ZNF106: variants seen among roughly 807,000 people sequenced by gnomAD.
The protein encoded by ZNF106 is SH3-domain binding protein 3.
A neutral mutation model predicts 195.1 loss-of-function variants in ZNF106; 67 were observed. The ratio of observed to expected loss-of-function variants is 0.34; its 90% CI spans 0.28 to 0.42. The LOEUF (loss-of-function observed/expected upper bound fraction) is 0.42, where lower values mean the gene tolerates loss of function less well. ZNF106 is among the 10% of genes least tolerant of loss of function. The probability of loss-of-function intolerance (pLI) is 1.00; values close to 1 mark genes in which losing one functional copy is unlikely to be tolerated. For synonymous variants in ZNF106, 784 were observed against 818.6 expected (o/e 0.96, Z 0.72); for missense variants, 2,118 against 2,304.5 (o/e 0.92, Z 1.66).
At chr15:42,447,101 T>A (rs969754278) in intron 6 of ZNF106, among the ~76,000 whole-genome samples, 1 of 152,258 alleles carries the variant, frequency 6.6e-6, no homozygotes, top group African/African-American at 2.4e-5. Context: ...CAGCTTGAAG[T>A]GTATTTTAAG....
intron 14 of ZNF106, among the ~76,000 whole-genome samples, chr15:42,434,518 C>T (rs1037373130): frequency 3.3e-5 from 5 of 152,124 alleles, no homozygotes. Context: ...GATCCTTGTC[C>T]TAGCACAGCT....
At chr15:42,435,746 A>G (rs568959252) in intron 13 of ZNF106, among the ~76,000 whole-genome samples, 151 of 152,334 alleles carry the variant, frequency 9.9e-4, no homozygotes, top group African/African-American at 3.5e-3. Context: ...GAGCCATACC[A>G]GAAAATACTT....
intron 2 of ZNF106, among the ~76,000 whole-genome samples, chr15:42,471,590 A>C (rs2056669682): frequency 6.6e-6 from 1 of 152,028 alleles, no homozygotes; most frequent in African/African-American, 2.4e-5. Context: ...AATCAGCCAT[A>C]CCCAGCAGCA....
chr15:42,462,223 A>ACTACACATTAC (rs2056407152), intron 3 of ZNF106, among the ~76,000 whole-genome samples: 3 of 152,308 alleles, frequency 2.0e-5, no homozygotes, highest in Admixed American at 1.3e-4. Context: ...ATGGGTGGAA[A>ACTACACATTAC]AGAACACATT....
chr15:42,476,552 C>T (rs542600023), intron 1 of ZNF106, among the ~76,000 whole-genome samples: 5 of 152,304 alleles, frequency 3.3e-5, no homozygotes, highest in Admixed American at 2.0e-4. Context: ...CCACCAGCCT[C>T]GGCCTCCCAA....
At chr15:42,432,184 C>T (rs988133482) in intron 14 of ZNF106, among the ~76,000 whole-genome samples, 37 of 152,020 alleles carry the variant, frequency 2.4e-4, no homozygotes, top group African/African-American at 8.0e-4. Context: ...AAAGGGACAG[C>T]GTCTCACTCT....
chr15:42,451,338 C>G lies in ZNF106; in HGVS notation c.934G>C (p.Gly312Arg). 1 of 1,613,794 alleles carries G rather than the reference C, an allele frequency of 6.2e-7. No individual in the cohort carries two copies. Among genetic ancestry groups the G allele is most frequent in the Non-Finnish European group, 8.5e-7 (1 of 1,179,764 alleles). Residue 312 changes from glycine (G) to arginine (R), a missense_variant, in exon 5 of 22, where the codon GGT becomes CGT. Gly to Arg is a moderately radical substitution (Grantham distance 125). Coordinates refer to ENST00000564754, the MANE Select transcript of ZNF106 (RefSeq NM_001366845.3). ...NWQRQENDKL[G>R]TVATYRGPSE... Reference sequence around the variant, plus strand: ...GGACCTCTATATGTGGCAACTGTACCAAGTTTGTCATTTTCTTGCCGCTGC... The same window carrying G: ...GGACCTCTATATGTGGCAACTGTACGAAGTTTGTCATTTTCTTGCCGCTGC...
intron 2 of ZNF106, 111 bp downstream of exon 2, chr15:42,472,125 A>T (rs1595490802): frequency 1.9e-6 from 2 of 1,061,318 alleles, no homozygotes; most frequent in Non-Finnish European, 2.6e-6. Flanking sequence ...GACATTGTCA[A>T]AGCTTTTCCT....
At chr15:42,429,654 T>A (rs746811218) in intron 14 of ZNF106, among the ~76,000 whole-genome samples, 18 of 151,826 alleles carry the variant, frequency 1.2e-4, no homozygotes, top group African/African-American at 4.4e-4. Flanking sequence ...CCTGAAAAAA[T>A]CACAAACATA....
At chr15:42,443,572 G>A (rs114897271) in intron 9 of ZNF106, among the ~76,000 whole-genome samples, 2,278 of 151,596 alleles carry the variant, frequency 0.015, 58 homozygotes, top group African/African-American at 0.053. Flanking sequence ...TTAAAAGTTA[G>A]AAATTTTAAT....
intron 4 of ZNF106, among the ~76,000 whole-genome samples, chr15:42,454,797 GT>G (rs2056171286): frequency 6.6e-6 from 1 of 152,008 alleles, no homozygotes; most frequent in Non-Finnish European, 1.5e-5. Context: ...TTCTCGGGAG[GT>G]TGAGGTGGGA....
intron 19 of ZNF106, 104 bp from the exon 20 acceptor site, chr15:42,421,236 A>C: frequency 9.7e-7 from 1 of 1,029,628 alleles, no homozygotes; most frequent in Non-Finnish European, 1.5e-6. Flanking sequence ...CAAGAAAACA[A>C]ACACCTAAAT....
At chr15:42,432,106 G>T (rs1022070355) in intron 14 of ZNF106, among the ~76,000 whole-genome samples, 7 of 152,078 alleles carry the variant, frequency 4.6e-5, no homozygotes, top group Non-Finnish European at 8.8e-5. Context: ...TATCTTTCGG[G>T]TGTGCTGACT....
intron 14 of ZNF106, among the ~76,000 whole-genome samples, chr15:42,429,793 A>G (rs1041427819): frequency 1.1e-4 from 17 of 152,066 alleles, no homozygotes; most frequent in African/African-American, 3.9e-4. Flanking sequence ...AACATTACAT[A>G]GCAATAAAAA....
Position 42,413,099 on chromosome 15 carries a change from T to C in ZNF106, c.*4205A>G, listed in dbSNP as rs548668330. The C allele has an allele frequency of 1.3e-5, 2 of 152,278 alleles. No homozygotes were observed. Among genetic ancestry groups the C allele is most frequent in the African/African-American group, 4.8e-5 (2 of 41,544 alleles). 9.4% of individuals were successfully genotyped at this position (152,278 alleles called of 1,614,324 possible). A position where few individuals can be genotyped will look rare whatever the true frequency, so the allele number is the denominator to read the frequency against. On this transcript the variant is annotated 3_prime_UTR_variant, in exon 22 of 22. Coordinates refer to ENST00000564754, the MANE Select transcript of ZNF106 (RefSeq NM_001366845.3). ...CCTCCTTGACCCCCTCCTTTCCCAATTTATTTGGGTCACTACCTTGAATTT... is the reference window on the plus strand; with the variant it reads ...CCTCCTTGACCCCCTCCTTTCCCAACTTATTTGGGTCACTACCTTGAATTT...
At chr15:42,470,448 CT>C (rs2056640693) in intron 2 of ZNF106, among the ~76,000 whole-genome samples, 1 of 151,848 alleles carries the variant, frequency 6.6e-6, no homozygotes, top group East Asian at 1.9e-4. Context: ...AGGCCATTCC[CT>C]TGCTTTAAAA....
At chr15:42,473,362 A>G (rs369324451) in intron 1 of ZNF106, among the ~76,000 whole-genome samples, 3 of 152,290 alleles carry the variant, frequency 2.0e-5, no homozygotes, top group African/African-American at 7.2e-5. Context: ...CATGGCTACA[A>G]TATCTGTTTC....
intron 7 of ZNF106, 150 bp downstream of exon 7, chr15:42,446,439 T>C: frequency 1.5e-6 from 1 of 666,042 alleles, no homozygotes; most frequent in East Asian, 2.8e-5. Flanking sequence ...AGAATTAATG[T>C]AGTGTCACAT....
chr15:42,417,549 G>C (rs1206240214), intron 21 of ZNF106, among the ~76,000 whole-genome samples, 189 bp from the exon 22 acceptor site: 1 of 152,198 alleles, frequency 6.6e-6, no homozygotes, highest in Non-Finnish European at 1.5e-5. Context: ...CAGCACAAGA[G>C]CACTGTAATA....
Sources: allele counts gnomAD v4.1 joint callset (sites outside exome capture counted in the v4.1 genomes callset), GRCh38; gene constraint gnomAD v4.1.1; transcripts MANE v1.5; gene names NCBI Gene and HGNC (gene_info 2026-07-23, HGNC 2026-07-21).